Variants in USP16 observed in about 807,000 individuals in gnomAD.
USP16 encodes the protein ubiquitin carboxyl-terminal hydrolase 16.
USP16 carries 77 observed loss-of-function variants against 95.9 expected under a neutral mutation model. The observed-to-expected ratio is 0.80, with a 90% confidence interval of 0.67 to 0.97. The LOEUF is 0.97. Ranked by LOEUF, USP16 falls within the 50% of genes least tolerant of loss-of-function variation. The pLI, the probability that USP16 is intolerant of heterozygous loss-of-function variation, is 0.00. For synonymous variants in USP16, 303 were observed against 318.2 expected (o/e 0.95, Z 0.51); for missense variants, 943 against 959.9 (o/e 0.98, Z 0.23).
intron 6 of USP16, 66 bp from the exon 7 acceptor site, chr21:29,038,269 T>C: frequency 9.2e-7 from 1 of 1,083,588 alleles, no homozygotes; most frequent in African/African-American, 1.6e-5. Flanking sequence ...AATAGACACT[T>C]AAGAAGTGTC....
intron 14 of USP16, among the ~76,000 whole-genome samples, 198 bp downstream of exon 14, chr21:29,047,519 A>G (rs2085345066): frequency 6.6e-6 from 1 of 152,162 alleles, no homozygotes; most frequent in Non-Finnish European, 1.5e-5. Context: ...CAGCAGTTAA[A>G]TGGGACAGTT....
chr21:29,054,030 T>C (rs781549799), intron 17 of USP16, 36 bp from the exon 18 acceptor site: 4 of 1,613,704 alleles, frequency 2.5e-6, no homozygotes, highest in Admixed American at 3.3e-5. Flanking sequence ...CTTGAATCTT[T>C]CCATTTATGT....
rs1386033260 is a variant in USP16 at position 29,046,815 on chromosome 21, G to T, written c.1505G>T (p.Gly502Val). Residue 502 changes from glycine (G) to valine (V), a missense_variant, in exon 14 of 18, where the codon GGT (glycine) becomes GTT (valine). Gly to Val is a moderately radical substitution (Grantham distance 109). Transcript: ENST00000399976. ...NIKSNHISQE[G>V]VMHKEYCVNQ... ...AAATCCAACCATATTTCACAAGAGGGTGTTATGCATAAAGAATATTGTGTC... is the reference window on the plus strand; with the variant it reads ...AAATCCAACCATATTTCACAAGAGGTTGTTATGCATAAAGAATATTGTGTC... 3.7e-6 allele frequency: 6 copies of T among 1,613,968 alleles called. No individual in the cohort carries two copies. The highest frequency in any genetic ancestry group is 1.3e-5 in the African/African-American group (1 of 74,904).
intron 3 of USP16, among the ~76,000 whole-genome samples, chr21:29,033,595 C>G (rs1297990695): frequency 6.6e-6 from 1 of 152,186 alleles, no homozygotes; most frequent in Non-Finnish European, 1.5e-5. Flanking sequence ...GCCTATACAT[C>G]TTTTAGGTAA....
At chr21:29,048,048 CGT>C (rs67919060) in intron 14 of USP16, among the ~76,000 whole-genome samples, 36,596 of 123,274 alleles carry the variant, frequency 0.3, 5,143 homozygotes, top group Non-Finnish European at 0.33. Flanking sequence ...AGAGACGATA[CGT>C]GTGTGTGTGT....
chr21:29,036,368 A>C lies in USP16; in HGVS notation c.442A>C (p.Lys148Gln), dbSNP rs766280844. The C allele has an allele frequency of 2.2e-5, 35 of 1,613,532 alleles. No homozygotes were observed. In the African/African-American group the frequency reaches 2.9e-4, roughly 14 times the overall value. Reference sequence around the variant, plus strand: ...AAAACAAGCCAGCATTACAACTCCAAAGCCAGGTAAAATAATTTGTTTCTT... The same window carrying C: ...AAAACAAGCCAGCATTACAACTCCACAGCCAGGTAAAATAATTTGTTTCTT... ...VRKQASITTP[K>Q]PAEKDNGNIE... The change falls in exon 5 of 18, where the codon AAG (lysine) becomes CAG (glutamine). Residue 148 changes from lysine (K) to glutamine (Q), a missense_variant. Transcript: ENST00000399976.
At chr21:29,051,750 G>A (rs571837133) in intron 16 of USP16, among the ~76,000 whole-genome samples, 27 of 152,096 alleles carry the variant, frequency 1.8e-4, no homozygotes, top group Non-Finnish European at 2.9e-4. Context: ...AGAATTGCTG[G>A]AACCTGGGAG....
intron 6 of USP16, 101 bp from the exon 7 acceptor site, chr21:29,038,234 T>A (rs966762933): frequency 8.3e-6 from 6 of 719,488 alleles, no homozygotes; most frequent in Admixed American, 2.7e-5. Flanking sequence ...TTTTCAGTGT[T>A]GGTCATGATT....
intron 14 of USP16, among the ~76,000 whole-genome samples, 156 bp from the exon 15 acceptor site, chr21:29,048,605 T>TA (rs1487544019): frequency 2.6e-5 from 4 of 152,338 alleles, no homozygotes; most frequent in African/African-American, 9.6e-5. Context: ...TTTTGCCTCT[T>TA]ACTCCACAAA....
At chr21:29,040,799 C>G in intron 10 of USP16, 112 bp downstream of exon 10, 1 of 468,274 alleles carries the variant, frequency 2.1e-6, no homozygotes, top group Non-Finnish European at 3.6e-6. Context: ...TATAATTTCT[C>G]TTTATCAACG....
intron 1 of USP16, 39 bp from the exon 2 acceptor site, chr21:29,027,834 T>C: frequency 1.2e-6 from 1 of 859,018 alleles, no homozygotes; most frequent in Non-Finnish European, 1.7e-6. Context: ...TAAGACATAC[T>C]TTTTTTTTTG....
intron 6 of USP16, 99 bp downstream of exon 6, chr21:29,037,562 T>A: frequency 4.4e-6 from 4 of 908,172 alleles, no homozygotes; most frequent in South Asian, 2.7e-5. Flanking sequence ...AATTTATTTC[T>A]ATGTATCCAA....
intron 5 of USP16, among the ~76,000 whole-genome samples, chr21:29,036,940 G>T (rs756108738): frequency 2.6e-5 from 4 of 152,134 alleles, no homozygotes; most frequent in Non-Finnish European, 5.9e-5. Flanking sequence ...CCATGTTCTT[G>T]ATTGTTTTAT....
chr21:29,051,822 A>G (rs2085419231), intron 16 of USP16, among the ~76,000 whole-genome samples: 1 of 151,166 alleles, frequency 6.6e-6, no homozygotes, highest in South Asian at 2.1e-4. Flanking sequence ...AGAGCAAGAA[A>G]CTCCCTCAAA....
chr21:29,053,121 T>G (rs1205619401), intron 16 of USP16: 1 of 152,244 alleles, frequency 6.6e-6, no homozygotes, highest in Non-Finnish European at 1.5e-5. Context: ...ACTAAGTTCT[T>G]CAGTGAATAT....
chr21:29,045,390 A>G (rs1021489494), intron 13 of USP16, among the ~76,000 whole-genome samples: 8 of 152,178 alleles, frequency 5.3e-5, no homozygotes, highest in African/African-American at 1.9e-4. Flanking sequence ...ATTTGGAAGT[A>G]GGTTGCAAGT....
intron 5 of USP16, among the ~76,000 whole-genome samples, chr21:29,036,705 C>T (rs1164025518): frequency 2.6e-5 from 4 of 152,206 alleles, no homozygotes; most frequent in Non-Finnish European, 4.4e-5. Flanking sequence ...TTCAGTCTGT[C>T]TGCTGGGATA....
intron 3 of USP16, among the ~76,000 whole-genome samples, chr21:29,033,341 T>G (rs141111210): frequency 2.0e-5 from 3 of 152,354 alleles, no homozygotes; most frequent in African/African-American, 7.2e-5. Flanking sequence ...ATTTTGTAAT[T>G]AAATGTTCAG....
Position 29,034,773 on chromosome 21 carries a change from T to C in USP16, c.241-64T>C, listed in dbSNP as rs2085129160. 6 of 1,440,400 alleles carry C rather than the reference T, an allele frequency of 4.2e-6. No individual in the cohort carries two copies. In the South Asian group the frequency reaches 6.9e-5, roughly 17 times the overall value. The allele number at this position is 1,440,400 out of a possible 1,614,324, so 89.2% of individuals were successfully genotyped here. ...GAGCCACTTCCTTGTTTATGATAGA[T>C]TATGCATTCTCCCCTCTTGCTGAGT... On this transcript the variant is annotated intron_variant, in intron 3 of 17. Transcript: ENST00000399976.
Sources: allele counts gnomAD v4.1 joint callset (sites outside exome capture counted in the v4.1 genomes callset), GRCh38; gene constraint gnomAD v4.1.1; transcripts MANE v1.5; gene names NCBI Gene and HGNC (gene_info 2026-07-23, HGNC 2026-07-21).